NREP: variants seen among roughly 807,000 people sequenced by gnomAD.
The protein encoded by NREP is neuronal regeneration related protein.
In NREP, 5 loss-of-function variants were observed where a neutral mutation model predicts 8.6. The observed-to-expected ratio is 0.58, with a 90% confidence interval of 0.30 to 1.22. The LOEUF (loss-of-function observed/expected upper bound fraction) is 1.22, where lower values mean the gene tolerates loss of function less well. NREP is among the 50% of genes most tolerant of loss of function. The pLI, the probability that NREP is intolerant of heterozygous loss-of-function variation, is 0.07. For synonymous variants in NREP, 27 were observed against 28.0 expected (o/e 0.96, Z 0.11); for missense variants, 86 against 82.5 (o/e 1.04, Z -0.17).
intron 2 of NREP, among the ~76,000 whole-genome samples, chr5:111,897,804 T>C (rs1754547150): frequency 6.6e-6 from 1 of 152,076 alleles, no homozygotes; most frequent in Admixed American, 6.6e-5. Context: ...TTTTAAAACT[T>C]ATATATGATA....
intron 2 of NREP, among the ~76,000 whole-genome samples, chr5:111,747,859 A>G (rs905443790): frequency 5.9e-5 from 9 of 152,220 alleles, no homozygotes; most frequent in South Asian, 2.1e-4. Flanking sequence ...CTAGATTATC[A>G]TAACACTTTC....
At chr5:111,847,855 C>T (rs1227712130) in intron 2 of NREP, among the ~76,000 whole-genome samples, 6 of 152,142 alleles carry the variant, frequency 3.9e-5, no homozygotes, top group African/African-American at 9.7e-5. Context: ...TAGCCAAAAC[C>T]ACTGGTTGTA....
Position 111,779,847 on chromosome 5 carries a change from C to A in NREP, c.136-44340G>T, listed in dbSNP as rs1000998021. The stretch of plus-strand genomic sequence containing the variant: ...TGAGAGAGGACAAGAACATAGCTTA[C>A]CTATTAAATGGGTACTTGAGGGCTC... On this transcript the variant is annotated intron_variant, in intron 2 of 3. Coordinates refer to the NREP transcript ENST00000395634. Among the ~76,000 whole-genome samples, 4 of 152,272 alleles carry A rather than the reference C, an allele frequency of 2.6e-5. No homozygotes were observed. In the South Asian group the frequency reaches 6.2e-4, roughly 24 times the overall value.
chr5:111,858,746 A>T (rs1025735443), intron 2 of NREP, among the ~76,000 whole-genome samples: 3 of 152,168 alleles, frequency 2.0e-5, no homozygotes, highest in Non-Finnish European at 4.4e-5. Flanking sequence ...TAAATATCTT[A>T]CCCCAAATCA....
chr5:111,765,714 A>G (rs1581100952), intron 2 of NREP, among the ~76,000 whole-genome samples: 2 of 152,192 alleles, frequency 1.3e-5, no homozygotes, highest in South Asian at 2.1e-4. Context: ...TCCAATGGAC[A>G]TGATTAGGGC....
chr5:111,963,795 G>C (rs928561507), intron 2 of NREP, among the ~76,000 whole-genome samples: 2 of 152,312 alleles, frequency 1.3e-5, no homozygotes, highest in East Asian at 3.9e-4. Flanking sequence ...GCCTTTGGTA[G>C]TGCCATGGTC....
intron 2 of NREP, among the ~76,000 whole-genome samples, chr5:111,780,753 T>A (rs895933227): frequency 5.3e-5 from 8 of 152,154 alleles, no homozygotes; most frequent in African/African-American, 1.9e-4. Flanking sequence ...ATCTTTTAAA[T>A]CCTCACTATT....
At chr5:111,969,048 G>C (rs1271127963) in intron 2 of NREP, among the ~76,000 whole-genome samples, 1 of 152,166 alleles carries the variant, frequency 6.6e-6, no homozygotes, top group African/African-American at 2.4e-5. Context: ...AAAATCTATG[G>C]TCAAGTTAGA....
chr5:111,915,637 T>C (rs1755035433), intron 2 of NREP, among the ~76,000 whole-genome samples: 2 of 152,072 alleles, frequency 1.3e-5, no homozygotes, highest in South Asian at 4.1e-4. Context: ...TTTTCAAACA[T>C]TTTTGGCCCG....
At chr5:111,843,605 T>G (rs115626370) in intron 2 of NREP, among the ~76,000 whole-genome samples, 141 of 152,254 alleles carry the variant, frequency 9.3e-4, no homozygotes, top group African/African-American at 3.3e-3. Context: ...GTCATTGTCA[T>G]TCTTGAGCCT....
Position 111,915,372 on chromosome 5 carries a change from T to A in NREP, c.135+59902A>T, listed in dbSNP as rs116049521. 2.4e-3 allele frequency among the ~76,000 whole-genome samples: 368 copies of A among 152,170 alleles called. 2 individuals carry two copies. Among genetic ancestry groups the A allele is most frequent in the African/African-American group, 8.4e-3 (347 of 41,514 alleles). ...TAATAAATCACTTGCACATGAATCC[T>A]CATTGCAGAGTTAACCTCTAGGGAA... On this transcript the variant is annotated intron_variant, in intron 2 of 3. Coordinates refer to the NREP transcript ENST00000395634.
intron 2 of NREP, among the ~76,000 whole-genome samples, chr5:111,881,144 G>A (rs1754052395): frequency 6.6e-6 from 1 of 152,346 alleles, no homozygotes; most frequent in East Asian, 1.9e-4. Flanking sequence ...TTTTCCGACA[G>A]GCTTAAAAAA....
chr5:111,904,353 A>C (rs566791416), intron 2 of NREP, among the ~76,000 whole-genome samples: 1 of 152,258 alleles, frequency 6.6e-6, no homozygotes, highest in African/African-American at 2.4e-5. Context: ...TATTTTCTGT[A>C]AATACTTAGT....
Position 111,817,979 on chromosome 5 carries a change from A to C in NREP, c.136-82472T>G, listed in dbSNP as rs972089403. The stretch of plus-strand genomic sequence containing the variant: ...AAAAATATTACATCACATCATCTGA[A>C]AGAGCCATTCTTTGGTAGGTGAAAG... On this transcript the variant is annotated intron_variant, in intron 2 of 3. Coordinates refer to the NREP transcript ENST00000395634. Among the ~76,000 whole-genome samples, 7 of 152,140 alleles carry C rather than the reference A, an allele frequency of 4.6e-5. No individual in the cohort carries two copies. The East Asian group carries it at 1.3e-3, about 29-fold the overall frequency.
chr5:111,925,238 G>C (rs983100503), intron 2 of NREP, among the ~76,000 whole-genome samples: 4 of 144,732 alleles, frequency 2.8e-5, no homozygotes, highest in Non-Finnish European at 6.2e-5. Context: ...TTCTGCTGGA[G>C]CATTTGGGAG....
chr5:111,959,333 T>C (rs1561369111), intron 2 of NREP, among the ~76,000 whole-genome samples: 1 of 151,922 alleles, frequency 6.6e-6, no homozygotes, highest in Non-Finnish European at 1.5e-5. Flanking sequence ...GAGTAGTGAT[T>C]AGAGAGGAGT....
At chr5:111,975,353 G>T in exon 2 of NREP, 7 of 1,551,636 alleles carry the variant, frequency 4.5e-6, no homozygotes, top group Non-Finnish European at 6.1e-6. Flanking sequence ...GCTCCTCTGG[G>T]TTCGTGTTTC....
chr5:111,939,764 C>G (rs915747555), intron 2 of NREP, among the ~76,000 whole-genome samples: 5 of 151,972 alleles, frequency 3.3e-5, no homozygotes, highest in South Asian at 4.2e-4. Flanking sequence ...GAAACTCTAT[C>G]TAGTGTTCCT....
At chr5:111,966,112 TAA>T (rs1561373181) in intron 2 of NREP, among the ~76,000 whole-genome samples, 1 of 152,072 alleles carries the variant, frequency 6.6e-6, no homozygotes, top group African/African-American at 2.4e-5. Context: ...CAAGAAATAT[TAA>T]AGATTCAGAT....
Sources: allele counts gnomAD v4.1 joint callset (sites outside exome capture counted in the v4.1 genomes callset), GRCh38; gene constraint gnomAD v4.1.1; transcripts MANE v1.5; gene names NCBI Gene and HGNC (gene_info 2026-07-23, HGNC 2026-07-21).